GRIP1: variants seen among roughly 807,000 people sequenced by gnomAD.
GRIP1 encodes the protein glutamate receptor interacting protein 1.
In GRIP1, 45 loss-of-function variants were observed where a neutral mutation model predicts 129.9. The observed-to-expected ratio is 0.35, with a 90% CI of 0.27 to 0.44. GRIP1 has a LOEUF of 0.44. Ranked by LOEUF, GRIP1 falls within the 20% of genes least tolerant of loss-of-function variation. The pLI is 1.00. For missense variants in GRIP1, 1,196 were observed against 1,396.8 expected (o/e 0.86, Z 2.29); for synonymous variants, 530 against 520.8 (o/e 1.02, Z -0.24).
At chr12:66,579,706 A>G (rs1435991746) in intron 2 of GRIP1, among the ~76,000 whole-genome samples, 1 of 152,108 alleles carries the variant, frequency 6.6e-6, no homozygotes. Flanking sequence ...AAGTTTAGAG[A>G]AAAAAGAATA....
chr12:66,799,517 A>G (rs1167872185), intron 1 of GRIP1, among the ~76,000 whole-genome samples: 3 of 152,106 alleles, frequency 2.0e-5, no homozygotes, highest in African/African-American at 7.2e-5. Flanking sequence ...GCACTAGAGA[A>G]GTAAGGACAG....
intron 1 of GRIP1, among the ~76,000 whole-genome samples, chr12:66,784,384 C>T (rs1221733134): frequency 6.6e-6 from 1 of 152,150 alleles, no homozygotes; most frequent in Non-Finnish European, 1.5e-5. Context: ...TGCATCATTT[C>T]ATTTTTATAA....
chr12:66,839,702 T>C (rs1422087966), intron 1 of GRIP1, among the ~76,000 whole-genome samples: 2 of 152,180 alleles, frequency 1.3e-5, no homozygotes, highest in Non-Finnish European at 2.9e-5. Flanking sequence ...AAAAGCATAT[T>C]AATAGTCTGC....
intron 1 of GRIP1, among the ~76,000 whole-genome samples, chr12:66,734,340 C>T (rs115213902): frequency 6.6e-6 from 1 of 152,296 alleles, no homozygotes; most frequent in African/African-American, 2.4e-5. Flanking sequence ...CTGTACTGTG[C>T]TTCCTTGAAA....
chr12:66,909,235 A>G (rs1240858196), intron 1 of GRIP1, among the ~76,000 whole-genome samples: 2 of 152,124 alleles, frequency 1.3e-5, no homozygotes, highest in Non-Finnish European at 2.9e-5. Flanking sequence ...AGCTCCTAGT[A>G]CTTTCCTCAC....
At chr12:66,388,280 T>A (rs1340475737) in intron 19 of GRIP1, among the ~76,000 whole-genome samples, 1 of 151,374 alleles carries the variant, frequency 6.6e-6, no homozygotes, top group Non-Finnish European at 1.5e-5. Context: ...AAGAGATTAA[T>A]TATATAAAAT....
In GRIP1 at chr12:66,473,633, G is replaced by A. The variant is rs143639024; in HGVS notation, c.725-8211C>T. ...TCTGGGACGAAGCTTCCAAAGGAAG[G>A]AACAGGCAGCAATCTTTGCTGTCCC... is the stretch of plus-strand genomic sequence containing the variant. On this transcript the variant is annotated intron_variant, in intron 7 of 24. Transcript: ENST00000359742. Among the ~76,000 whole-genome samples, 1,376 of 152,306 alleles carry A rather than the reference G, an allele frequency of 9.0e-3. 25 individuals are homozygous for A. The highest frequency in any genetic ancestry group is 0.031 in the African/African-American group (1,272 of 41,572).
At chr12:66,607,819 G>A (rs1256595514) in intron 1 of GRIP1, among the ~76,000 whole-genome samples, 4 of 152,096 alleles carry the variant, frequency 2.6e-5, no homozygotes, top group African/African-American at 9.7e-5. Context: ...TGAAACCAAG[G>A]TGATTAACCC....
intron 1 of GRIP1, among the ~76,000 whole-genome samples, chr12:66,868,284 C>T (rs570041516): frequency 6.6e-6 from 1 of 151,972 alleles, no homozygotes; most frequent in Non-Finnish European, 1.5e-5. Context: ...CAACAGAAGC[C>T]ACCACTGAGA....
chr12:66,366,151 CT>C (rs2055130530), intron 23 of GRIP1, among the ~76,000 whole-genome samples: 1 of 152,184 alleles, frequency 6.6e-6, no homozygotes, highest in Admixed American at 6.5e-5. Context: ...CAATTCTACA[CT>C]AGGTATTTGG....
chr12:66,573,655 A>G (rs1285712486), intron 2 of GRIP1, among the ~76,000 whole-genome samples: 1 of 152,158 alleles, frequency 6.6e-6, no homozygotes, highest in African/African-American at 2.4e-5. Flanking sequence ...CTGCCTTCCT[A>G]TGCTTAGAAA....
intron 3 of GRIP1, among the ~76,000 whole-genome samples, chr12:66,540,808 A>T (rs936673147): frequency 5.3e-5 from 8 of 151,816 alleles, no homozygotes; most frequent in African/African-American, 1.9e-4. Context: ...TTATTTATTT[A>T]TTTGAGATGG....
At chr12:66,891,223 T>TA (rs1226809353) in intron 1 of GRIP1, among the ~76,000 whole-genome samples, 5 of 152,208 alleles carry the variant, frequency 3.3e-5, no homozygotes, top group Admixed American at 3.3e-4. Flanking sequence ...ATTTTGGAGA[T>TA]AATGTCAAGA....
At chr12:66,521,640 G>A (rs1237334172) in intron 5 of GRIP1, among the ~76,000 whole-genome samples, 1 of 152,188 alleles carries the variant, frequency 6.6e-6, no homozygotes, top group Admixed American at 6.5e-5. Context: ...ACTAGGGAGT[G>A]CCAGACAGTG....
upstream of GRIP1, among the ~76,000 whole-genome samples, chr12:66,681,756 G>C (rs569692801): frequency 6.6e-6 from 1 of 152,242 alleles, no homozygotes; most frequent in Non-Finnish European, 1.5e-5. Flanking sequence ...AGTTCAAGAG[G>C]TTTACCCCTC....
At chr12:66,424,602 G>C (rs754998221) in intron 14 of GRIP1, among the ~76,000 whole-genome samples, 115 of 152,072 alleles carry the variant, frequency 7.6e-4, no homozygotes, top group Admixed American at 1.1e-3. Flanking sequence ...CATAATTTTT[G>C]GTATTTATTG....
chr12:66,820,209 GACCATCCTGGCTA>G (rs577035263), intron 1 of GRIP1, among the ~76,000 whole-genome samples: 86 of 152,342 alleles, frequency 5.6e-4, no homozygotes, highest in African/African-American at 1.6e-3. Flanking sequence ...AGGTGATCAA[GACCATCCTGGCTA>G]ACACGGTGGT....
intron 1 of GRIP1, among the ~76,000 whole-genome samples, chr12:67,055,587 T>G (rs188386447): frequency 1.1e-4 from 17 of 152,330 alleles, no homozygotes; most frequent in Admixed American, 8.5e-4. Context: ...CCCAAAAGTT[T>G]TTGGTCATGC....
At chr12:66,989,716 C>T (rs2042366392) in intron 1 of GRIP1, among the ~76,000 whole-genome samples, 1 of 152,116 alleles carries the variant, frequency 6.6e-6, no homozygotes, top group Non-Finnish European at 1.5e-5. Context: ...AACACTGTCA[C>T]TACACAAGGA....
Sources: gnomAD v4.1 joint callset for allele counts (sites outside exome capture counted in the v4.1 genomes callset) on GRCh38, gnomAD v4.1.1 for gene constraint, MANE v1.5 for transcripts, NCBI Gene and HGNC (gene_info 2026-07-23, HGNC 2026-07-21) for gene names.